The following ATXN10 variants were observed in gnomAD, a reference collection of about 807,000 sequenced individuals.
ATXN10 encodes ataxin-10.
ATXN10 carries 28 observed loss-of-function variants against 52.9 expected under a neutral mutation model. That is an observed-to-expected ratio of 0.53 (90% confidence interval 0.39 to 0.73). ATXN10 has a LOEUF of 0.73. Ranked by LOEUF, ATXN10 falls within the 30% of genes least tolerant of loss-of-function variation. The pLI, the probability that ATXN10 is intolerant of heterozygous loss-of-function variation, is 0.00. For missense variants in ATXN10, 565 were observed against 577.0 expected (o/e 0.98, Z 0.21); for synonymous variants, 226 against 221.5 (o/e 1.02, Z -0.18).
At position 45,780,780 on chromosome 22, in the gene ATXN10, A is replaced by G. The variant is rs1040730415; in HGVS notation, c.1174-26179A>G. ...GCACCTTAAAAACAATACGTTGGCA[A>G]TTGGACTTGGGATTCTGGATTAAGG... On this transcript the variant is annotated intron_variant, in intron 9 of 11. Transcript: ENST00000252934. This position sits in a 1 kb window ranked among gnomAD's most constrained non-coding sequence, Gnocchi z 4.0. Among the ~76,000 whole-genome samples the G allele has an allele frequency of 2.0e-5, 3 of 152,218 alleles. No individual in the cohort carries two copies. Among genetic ancestry groups the G allele is most frequent in the Non-Finnish European group, 2.9e-5 (2 of 68,038 alleles).
In ATXN10 at chr22:45,673,752, A is replaced by G. The variant is rs530348894; in HGVS notation, c.116+1573A>G. On this transcript the variant is annotated intron_variant, in intron 1 of 11. Transcript: ENST00000252934. Reference sequence around the variant, plus strand: ...GGATATGTTGGAAGATTGGCGAGCCAGGAGAGGCTTTTTAAGGTTATTTCA... The same window carrying G: ...GGATATGTTGGAAGATTGGCGAGCCGGGAGAGGCTTTTTAAGGTTATTTCA... The G allele has an allele frequency of 2.0e-5, 3 of 152,352 alleles. No homozygotes were observed. The East Asian group carries it at 5.8e-4, about 29-fold the overall frequency. 9.4% of individuals were successfully genotyped at this position (152,352 alleles called of 1,614,324 possible).
At position 45,757,866 on chromosome 22, in the gene ATXN10, A is replaced by C. The variant is rs770829104; in HGVS notation, c.1173+17328A>C. ...AAATAAACTCTGGCACACTTTCTCC[A>C]GTCATATTCGTTGAGCCTGTATTTA... On this transcript the variant is annotated intron_variant, in intron 9 of 11. Transcript: ENST00000252934. The surrounding 1 kb of genome is among the most constrained non-coding windows in gnomAD (Gnocchi z 4.6). Among the ~76,000 whole-genome samples, 1 of 152,218 alleles carries C rather than the reference A, an allele frequency of 6.6e-6. No homozygotes were observed. Among genetic ancestry groups the C allele is most frequent in the African/African-American group, 2.4e-5 (1 of 41,444 alleles).
At chr22:45,761,566 T>C (rs546061915) in intron 9 of ATXN10, among the ~76,000 whole-genome samples, 2 of 152,354 alleles carry the variant, frequency 1.3e-5, no homozygotes, top group African/African-American at 4.8e-5. Context: ...TAATACAGTA[T>C]CATAGGTATA....
At chr22:45,751,763 AAAT>A (rs1165303275) in intron 9 of ATXN10, among the ~76,000 whole-genome samples, 7 of 66,606 alleles carry the variant, frequency 1.1e-4, no homozygotes, top group Non-Finnish European at 1.5e-4. Context: ...AATAAAAAAA[AAAT>A]AATAATAATA....
rs750414550 is a variant in ATXN10 at position 45,689,789 on chromosome 22, G to A, written c.194G>A (p.Cys65Tyr). 1 of 1,614,164 alleles carries A rather than the reference G, an allele frequency of 6.2e-7. No homozygotes were observed. The highest frequency in any genetic ancestry group is 1.1e-5 in the South Asian group (1 of 91,086). Residue 65 changes from cysteine to tyrosine, a missense_variant, in exon 2 of 12, where the codon TGC (cysteine) becomes TAC (tyrosine). Physicochemically the swap from Cys to Tyr is radical, Grantham distance 194 (BLOSUM62 -2). Transcript: ENST00000252934. ...TCTTCTCATGCTGTTGAGCTTGCCT[G>A]CAGAGATCCATCCCAAGTGGAAAAC... ...KKSSHAVELA[C>Y]RDPSQVENLA...
At chr22:45,804,957 C>T (rs5765633) in intron 9 of ATXN10, among the ~76,000 whole-genome samples, 1 of 151,982 alleles carries the variant, frequency 6.6e-6, no homozygotes, top group East Asian at 1.9e-4. Flanking sequence ...TGTAATCTGG[C>T]TACATCTCCT....
Position 45,774,323 on chromosome 22 carries a change from TGTCCCTACCA to T in ATXN10, c.1174-32629_1174-32620del, listed in dbSNP as rs1397962859. Among the ~76,000 whole-genome samples, 1 of 152,242 alleles carries T rather than the reference TGTCCCTACCA, an allele frequency of 6.6e-6. No individual in the cohort carries two copies. Among genetic ancestry groups the T allele is most frequent in the Non-Finnish European group, 1.5e-5 (1 of 68,034 alleles). Reference sequence around the variant, plus strand: ...GCTGCACCTGTCTGGAATGGCAGCCTGTCCCTACCAGTCCCTGCATCGCTATTTTGGAGTG... The same window carrying T: ...GCTGCACCTGTCTGGAATGGCAGCCTGTCCCTGCATCGCTATTTTGGAGTG... On this transcript the variant is annotated intron_variant, in intron 9 of 11. Transcript: ENST00000252934. This position sits in a 1 kb window ranked among gnomAD's most constrained non-coding sequence, Gnocchi z 6.2.
In ATXN10 at chr22:45,732,564, A is replaced by G. The variant is rs1281000487; in HGVS notation, c.894+2974A>G. 6.6e-6 allele frequency among the ~76,000 whole-genome samples: 1 copy of G among 151,902 alleles called. No homozygotes were observed. The highest frequency in any genetic ancestry group is 1.9e-4 in the East Asian group (1 of 5,206). ...TTATGACTTGTGCGTATTAATGCAC[A>G]TATGTCATACTTTTTTTTTTTTTTT... On this transcript the variant is annotated intron_variant, in intron 7 of 11. Transcript: ENST00000252934. The surrounding 1 kb of genome is among the most constrained non-coding windows in gnomAD (Gnocchi z 4.5).
At chr22:45,821,473 C>T (rs1240619483) in intron 10 of ATXN10, among the ~76,000 whole-genome samples, 1 of 152,134 alleles carries the variant, frequency 6.6e-6, no homozygotes, top group Non-Finnish European at 1.5e-5. Flanking sequence ...CCTCCTCTCC[C>T]TGCTAGGTTT....
chr22:45,700,235 G>T (rs760904363), intron 3 of ATXN10, 47 bp from the exon 4 acceptor site: 5 of 1,229,390 alleles, frequency 4.1e-6, no homozygotes, highest in Admixed American at 2.0e-5. Flanking sequence ...TTTATTTATT[G>T]TGTTTAATCA....
intron 9 of ATXN10, among the ~76,000 whole-genome samples, chr22:45,740,953 A>G (rs1045702046): frequency 1.3e-5 from 2 of 152,130 alleles, no homozygotes; most frequent in African/African-American, 4.8e-5. Context: ...TATAAAAGGA[A>G]TATAATATTT....
chr22:45,800,619 A>T (rs543987188), intron 9 of ATXN10, among the ~76,000 whole-genome samples: 3 of 152,350 alleles, frequency 2.0e-5, no homozygotes, highest in Non-Finnish European at 4.4e-5. Flanking sequence ...GAAAACATGC[A>T]CCCATGAAAA....
Position 45,769,496 on chromosome 22 carries a change from A to C in ATXN10, c.1173+28958A>C, listed in dbSNP as rs576607805. On this transcript the variant is annotated intron_variant, in intron 9 of 11. Coordinates refer to ENST00000252934, the MANE Select transcript of ATXN10 (RefSeq NM_013236.4). The surrounding 1 kb of genome is among the most constrained non-coding windows in gnomAD (Gnocchi z 4.2). The stretch of plus-strand genomic sequence containing the variant: ...TGGCTTGGAAAAGAGGTCACCGTGG[A>C]GTTGGGCCTTGAGGAATGGTGGGTA... 6.6e-6 allele frequency among the ~76,000 whole-genome samples: 1 copy of C among 152,204 alleles called. No homozygotes were observed. The highest frequency in any genetic ancestry group is 1.9e-4 in the East Asian group (1 of 5,168).
At chr22:45,793,721 G>C in intron 9 of ATXN10, 1 of 1,466,988 alleles carries the variant, frequency 6.8e-7, no homozygotes, top group Admixed American at 2.2e-5. Flanking sequence ...CCTCTTGCCT[G>C]CTACTGAGGA....
chr22:45,751,757 A>ATAAT (rs1203582899), intron 9 of ATXN10, among the ~76,000 whole-genome samples: 1 of 63,990 alleles, frequency 1.6e-5, no homozygotes, highest in South Asian at 4.1e-4. Flanking sequence ...AAAAAAAATA[A>ATAAT]AAAAAAAATA....
intron 9 of ATXN10, among the ~76,000 whole-genome samples, chr22:45,802,497 C>G (rs374149219): frequency 2.0e-5 from 3 of 152,190 alleles, no homozygotes; most frequent in African/African-American, 7.2e-5. Context: ...TGACCTTAAC[C>G]TGTGTTCATT....
rs1922808367 is a variant in ATXN10, at chr22:45,678,973, T to A, written c.116+6794T>A. 6.6e-6 allele frequency: 1 copy of A among 152,250 alleles called. No individual in the cohort carries two copies. Among genetic ancestry groups the A allele is most frequent in the Admixed American group, 6.5e-5 (1 of 15,288 alleles). 9.4% of individuals were successfully genotyped at this position (152,250 alleles called of 1,614,324 possible). A position where few individuals can be genotyped will look rare whatever the true frequency, so the allele number is the denominator to read the frequency against. On this transcript the variant is annotated intron_variant, in intron 1 of 11. Coordinates refer to ENST00000252934, the MANE Select transcript of ATXN10 (RefSeq NM_013236.4). The surrounding 1 kb of genome is among the most constrained non-coding windows in gnomAD (Gnocchi z 4.1). ...TATTTACAAAATAAATTTGTAAATTTGTAAATATAAATGTCTTAAGCCTTC... is the reference window on the plus strand; with the variant it reads ...TATTTACAAAATAAATTTGTAAATTAGTAAATATAAATGTCTTAAGCCTTC...
intron 9 of ATXN10, among the ~76,000 whole-genome samples, chr22:45,778,622 A>G (rs989180448): frequency 6.6e-6 from 1 of 152,202 alleles, no homozygotes; most frequent in African/African-American, 2.4e-5. Flanking sequence ...AATTGGGCAT[A>G]TATCTGGTAC....
Position 45,701,977 on chromosome 22 carries a change from C to A in ATXN10, c.489-712C>A, listed in dbSNP as rs943758511. 2.0e-5 allele frequency among the ~76,000 whole-genome samples: 3 copies of A among 152,086 alleles called. No homozygotes were observed. The highest frequency in any genetic ancestry group is 7.2e-5 in the African/African-American group (3 of 41,412). ...AAAACATATTAAGAGAGGTTCTTTG[C>A]CTTCACTTTTTATGCATTTATGGGA... On this transcript the variant is annotated intron_variant, in intron 4 of 11. Transcript: ENST00000252934. The surrounding 1 kb of genome is among the most constrained non-coding windows in gnomAD (Gnocchi z 4.2).
Sources: allele counts gnomAD v4.1 joint callset (sites outside exome capture counted in the v4.1 genomes callset), GRCh38; gene constraint gnomAD v4.1.1; non-coding constraint Gnocchi (gnomAD v3.1); transcripts MANE v1.5; gene names NCBI Gene and HGNC (gene_info 2026-07-23, HGNC 2026-07-21).